The following C3orf33 variants were observed in gnomAD, a reference collection of about 807,000 sequenced individuals.
The protein encoded by C3orf33 is AP-1 activity suppressor.
A neutral mutation model predicts 28.7 loss-of-function variants in C3orf33; 23 were observed. That is an observed-to-expected ratio of 0.80 (90% confidence interval 0.58 to 1.13). The LOEUF (loss-of-function observed/expected upper bound fraction) is 1.13, where lower values mean the gene tolerates loss of function less well. Ranked by LOEUF, C3orf33 falls within the 50% of genes most tolerant of loss-of-function variation. The pLI is 0.00. For synonymous variants in C3orf33, 119 were observed against 120.5 expected (o/e 0.99, Z 0.08); for missense variants, 327 against 353.4 (o/e 0.93, Z 0.60).
chr3:155,785,610 C>T (rs1393526196), intron 2 of C3orf33, among the ~76,000 whole-genome samples: 1 of 152,090 alleles, frequency 6.6e-6, no homozygotes, highest in Non-Finnish European at 1.5e-5. Flanking sequence ...TATCAAAAAA[C>T]AATCACAAGG....
In C3orf33 at chr3:155,763,486, G is replaced by C. The variant is rs1316450048; in HGVS notation, c.*31C>G. The C allele has an allele frequency of 7.0e-7, 1 of 1,427,868 alleles. No individual in the cohort carries two copies. The highest frequency in any genetic ancestry group is 9.2e-7 in the Non-Finnish European group (1 of 1,090,144). 88.4% of individuals were successfully genotyped at this position (1,427,868 alleles called of 1,614,324 possible). A position where few individuals can be genotyped will look rare whatever the true frequency, so the allele number is the denominator to read the frequency against. Reference sequence around the variant, plus strand: ...ATATATTTACATATTTCACTCTTTGGAGAAGGTTACCTCTAGATTTCTTGA... The same window carrying C: ...ATATATTTACATATTTCACTCTTTGCAGAAGGTTACCTCTAGATTTCTTGA... On this transcript the variant is annotated 3_prime_UTR_variant, in exon 5 of 5. Coordinates refer to ENST00000340171, the MANE Select transcript of C3orf33 (RefSeq NM_001308229.2).
intron 2 of C3orf33, among the ~76,000 whole-genome samples, chr3:155,778,122 C>G (rs1227676343): frequency 2.4e-5 from 3 of 122,882 alleles, no homozygotes; most frequent in African/African-American, 9.0e-5. Context: ...TGCACTCCAG[C>G]CTGAGTGAAA....
At position 155,775,688 on chromosome 3, in the gene C3orf33, G is replaced by GTACCTTAC; in HGVS notation, c.322+5_322+12dup. 3 of 1,487,062 alleles carry GTACCTTAC rather than the reference G, an allele frequency of 2.0e-6. No individual in the cohort carries two copies. Among genetic ancestry groups the GTACCTTAC allele is most frequent in the Non-Finnish European group, 2.8e-6 (3 of 1,089,824 alleles). 92.1% of individuals were successfully genotyped at this position (1,487,062 alleles called of 1,614,324 possible). A position where few individuals can be genotyped will look rare whatever the true frequency, so the allele number is the denominator to read the frequency against. The stretch of plus-strand genomic sequence containing the variant: ...CACAATAGTTAGTTTCATTAATCTT[G>GTACCTTAC]TACCTTACTTACTTCTCAATGAAGC... On this transcript the variant is annotated intron_variant, in intron 3 of 4. Transcript: ENST00000340171.
intron 3 of C3orf33, among the ~76,000 whole-genome samples, chr3:155,771,280 GTTTA>G (rs1044450637): frequency 1.1e-4 from 16 of 151,938 alleles, no homozygotes; most frequent in Admixed American, 3.3e-4. Flanking sequence ...TAATTTTGTT[GTTTA>G]TTTGTTTGTT....
At chr3:155,790,655 T>C (rs917090948) in intron 2 of C3orf33, among the ~76,000 whole-genome samples, 3 of 152,068 alleles carry the variant, frequency 2.0e-5, no homozygotes, top group Non-Finnish European at 1.5e-5. Context: ...TCTATGCACT[T>C]GGATGGGGGA....
At chr3:155,797,335 C>T (rs897872842) in intron 2 of C3orf33, among the ~76,000 whole-genome samples, 10 of 152,110 alleles carry the variant, frequency 6.6e-5, no homozygotes, top group Non-Finnish European at 1.3e-4. Flanking sequence ...ACAACAGACC[C>T]GCAGCCCTAG....
chr3:155,800,822 A>G (rs1459097443), intron 2 of C3orf33, among the ~76,000 whole-genome samples: 1 of 152,026 alleles, frequency 6.6e-6, no homozygotes, highest in East Asian at 1.9e-4. Context: ...TAACCACATG[A>G]AAAGATGCTC....
At chr3:155,796,600 A>C (rs1751481369) in intron 2 of C3orf33, among the ~76,000 whole-genome samples, 1 of 152,240 alleles carries the variant, frequency 6.6e-6, no homozygotes, top group Non-Finnish European at 1.5e-5. Flanking sequence ...GTTTAAGAGA[A>C]AAATAAATAC....
chr3:155,792,524 T>C (rs1009353612), intron 2 of C3orf33, among the ~76,000 whole-genome samples: 4 of 152,136 alleles, frequency 2.6e-5, no homozygotes, highest in Admixed American at 1.3e-4. Context: ...GACAGAGATA[T>C]GTGACCTTTT....
chr3:155,788,678 CAAA>C (rs556958457), intron 2 of C3orf33, among the ~76,000 whole-genome samples: 10 of 124,036 alleles, frequency 8.1e-5, no homozygotes, highest in East Asian at 2.3e-4. Context: ...GAGACTCCAT[CAAA>C]AAAAAAAAAA....
At chr3:155,780,149 G>C (rs759987556) in intron 2 of C3orf33, among the ~76,000 whole-genome samples, 2 of 152,200 alleles carry the variant, frequency 1.3e-5, no homozygotes, top group Non-Finnish European at 2.9e-5. Flanking sequence ...AGATAAGGAG[G>C]CTGTCTTTAC....
intron 2 of C3orf33, among the ~76,000 whole-genome samples, chr3:155,795,539 G>T (rs2109277548): frequency 6.6e-6 from 1 of 152,148 alleles, no homozygotes; most frequent in Admixed American, 6.6e-5. Flanking sequence ...AATACAACTA[G>T]AAATCTATAA....
chr3:155,767,707 G>C (rs1295578040), intron 3 of C3orf33, 38 bp from the exon 4 acceptor site: 1 of 1,422,316 alleles, frequency 7.0e-7, no homozygotes, highest in Non-Finnish European at 9.3e-7. Flanking sequence ...AGCTTTAACA[G>C]CATGTTGCAA....
intron 2 of C3orf33, among the ~76,000 whole-genome samples, chr3:155,788,587 CAGG>C (rs989747776): frequency 1.3e-5 from 2 of 151,226 alleles, no homozygotes; most frequent in African/African-American, 4.9e-5. Flanking sequence ...GAGGCTGAGG[CAGG>C]AGAATTGCTT....
chr3:155,776,930 A>T (rs952487002), intron 2 of C3orf33, among the ~76,000 whole-genome samples: 1 of 152,018 alleles, frequency 6.6e-6, no homozygotes, highest in Non-Finnish European at 1.5e-5. Flanking sequence ...TGGCATTGGA[A>T]AAAAAGGGTG....
intron 2 of C3orf33, among the ~76,000 whole-genome samples, chr3:155,798,382 A>T (rs73021549): frequency 0.021 from 3,234 of 152,312 alleles, 121 homozygotes; most frequent in African/African-American, 0.074. Flanking sequence ...TATAAGAGCT[A>T]TAGTAACTAA....
At chr3:155,775,160 G>A (rs944645758) in intron 3 of C3orf33, among the ~76,000 whole-genome samples, 2 of 152,124 alleles carry the variant, frequency 1.3e-5, no homozygotes, top group Non-Finnish European at 2.9e-5. Flanking sequence ...CTCAACATTT[G>A]TGAAATGAAT....
intron 4 of C3orf33, among the ~76,000 whole-genome samples, chr3:155,766,927 G>A (rs970688666): frequency 1.3e-5 from 2 of 151,104 alleles, no homozygotes; most frequent in African/African-American, 4.9e-5. Flanking sequence ...TCCAGCCTGG[G>A]CAACAGAGTG....
chr3:155,802,594 A>G lies in C3orf33; in HGVS notation c.115-3T>C, dbSNP rs1254416173. On this transcript the variant is annotated splice_polypyrimidine_tract_variant and splice_region_variant and intron_variant, in intron 1 of 4. Transcript: ENST00000340171. ...ATGGCCATTCCAGTGCTGATGTTCTACAGAAAGAGATTTAAGGGTTAACCC... is the reference window on the plus strand; with the variant it reads ...ATGGCCATTCCAGTGCTGATGTTCTGCAGAAAGAGATTTAAGGGTTAACCC... 1.9e-6 allele frequency: 3 copies of G among 1,589,874 alleles called. No homozygotes were observed. Among genetic ancestry groups the G allele is most frequent in the African/African-American group, 2.7e-5 (2 of 73,370 alleles).
Sources: gnomAD v4.1 joint callset for allele counts (sites outside exome capture counted in the v4.1 genomes callset) on GRCh38, gnomAD v4.1.1 for gene constraint, MANE v1.5 for transcripts, NCBI Gene and HGNC (gene_info 2026-07-23, HGNC 2026-07-21) for gene names.